MRC1: variants seen among roughly 807,000 people sequenced by gnomAD.
The protein encoded by MRC1 is mannose receptor C-type 1, also known as macrophage mannose receptor 1.
MRC1 carries 62 observed loss-of-function variants against 102.9 expected under a neutral mutation model. The ratio of observed to expected loss-of-function variants is 0.60; its 90% CI spans 0.49 to 0.74. The LOEUF (loss-of-function observed/expected upper bound fraction) is 0.74. MRC1 is among the 30% of genes least tolerant of loss of function. MRC1 has a pLI of 0.00. For missense variants in MRC1, 1,237 were observed against 862.8 expected (o/e 1.43, Z -5.43); for synonymous variants, 457 against 298.4 (o/e 1.53, Z -5.48).
chr10:17,901,215 T>G (rs1833824509), intron 25 of MRC1, among the ~76,000 whole-genome samples: 1 of 152,188 alleles, frequency 6.6e-6, no homozygotes, highest in Admixed American at 6.5e-5. Context: ...TCAGAATACA[T>G]GTAGATTCAT....
chr10:17,904,137 A>G (rs1833866562), intron 26 of MRC1, among the ~76,000 whole-genome samples: 1 of 152,204 alleles, frequency 6.6e-6, no homozygotes, highest in African/African-American at 2.4e-5. Flanking sequence ...TGTTTTACAC[A>G]GTTATCTTTC....
chr10:17,827,876 C>T (rs1377562223), intron 3 of MRC1, among the ~76,000 whole-genome samples, 161 bp downstream of exon 3: 2 of 152,084 alleles, frequency 1.3e-5, no homozygotes, highest in East Asian at 1.9e-4. Flanking sequence ...TTTCCATTTT[C>T]CAATGGAGAA....
chr10:17,885,237 G>A (rs1833575299), intron 21 of MRC1, 32 bp from the exon 22 acceptor site: 1 of 780,570 alleles, frequency 1.3e-6, no homozygotes, highest in Admixed American at 1.7e-5. Context: ...AACTCTCAAA[G>A]TTTAAAATTA....
chr10:17,830,530 T>C (rs2130606517), intron 3 of MRC1, among the ~76,000 whole-genome samples: 1 of 151,560 alleles, frequency 6.6e-6, no homozygotes, highest in Admixed American at 6.5e-5. Context: ...ATGCTCTCCA[T>C]TGTCCGTTGC....
At chr10:17,878,384 C>G (rs1833465940) in intron 18 of MRC1, among the ~76,000 whole-genome samples, 1 of 152,174 alleles carries the variant, frequency 6.6e-6, no homozygotes, top group Non-Finnish European at 1.5e-5. Context: ...GTTAGCAGCA[C>G]TATTTTGAAG....
chr10:17,894,640 C>T (rs1370608171), intron 23 of MRC1, among the ~76,000 whole-genome samples: 3 of 152,000 alleles, frequency 2.0e-5, no homozygotes, highest in African/African-American at 4.8e-5. Flanking sequence ...CTCAGGTGAT[C>T]TACCTGCCTC....
In MRC1 at chr10:17,833,857, C is replaced by T. The variant is rs782653456; in HGVS notation, c.802+18C>T. On this transcript the variant is annotated intron_variant, in intron 4 of 29. Coordinates refer to ENST00000569591, the MANE Select transcript of MRC1 (RefSeq NM_002438.4). Reference sequence around the variant, plus strand: ...CCTGACAGGTAAGGACATGAAAAGTCTCAAGTAAAATCATGACTGCTTTAT... The same window carrying T: ...CCTGACAGGTAAGGACATGAAAAGTTTCAAGTAAAATCATGACTGCTTTAT... 1.7e-5 allele frequency: 13 copies of T among 780,232 alleles called. No individual in the cohort carries two copies. The highest frequency in any genetic ancestry group is 1.0e-4 in the Admixed American group (6 of 58,882). 48.3% of individuals were successfully genotyped at this position (780,232 alleles called of 1,614,324 possible). A position where few individuals can be genotyped will look rare whatever the true frequency, so the allele number is the denominator to read the frequency against.
intron 6 of MRC1, among the ~76,000 whole-genome samples, chr10:17,846,590 T>A (rs1483726616): frequency 6.6e-6 from 1 of 152,238 alleles, no homozygotes; most frequent in Non-Finnish European, 1.5e-5. Context: ...TCCTGGAGAA[T>A]AATTGTTTCT....
At position 17,909,359 on chromosome 10, in the gene MRC1, G is replaced by T; in HGVS notation, c.4120+12G>T. ...ACTTACAACAAAAGGTAAGGCCATT[G>T]CAAAATTTCAAGTTCTGTGTTAGTA... On this transcript the variant is annotated intron_variant, in intron 29 of 29. Coordinates refer to ENST00000569591, the MANE Select transcript of MRC1 (RefSeq NM_002438.4). 6 of 870,678 alleles carry T rather than the reference G, an allele frequency of 6.9e-6. No homozygotes were observed. Among genetic ancestry groups the T allele is most frequent in the Non-Finnish European group, 1.2e-5 (6 of 500,180 alleles). 53.9% of individuals were successfully genotyped at this position (870,678 alleles called of 1,614,324 possible). A position where few individuals can be genotyped will look rare whatever the true frequency, so the allele number is the denominator to read the frequency against.
intron 6 of MRC1, among the ~76,000 whole-genome samples, chr10:17,846,465 T>C (rs1485747767): frequency 6.6e-6 from 1 of 152,200 alleles, no homozygotes; most frequent in Non-Finnish European, 1.5e-5. Context: ...CCATTGGCTT[T>C]GAAAGCAATT....
intron 9 of MRC1, among the ~76,000 whole-genome samples, chr10:17,859,009 C>T (rs1354629922): frequency 1.3e-5 from 2 of 152,172 alleles, no homozygotes; most frequent in Admixed American, 1.3e-4. Flanking sequence ...TCTTCCTATG[C>T]TATCTTTTCT....
chr10:17,839,380 G>A (rs1838716637), intron 4 of MRC1, among the ~76,000 whole-genome samples: 1 of 152,088 alleles, frequency 6.6e-6, no homozygotes, highest in Non-Finnish European at 1.5e-5. Context: ...TGAGTAAATT[G>A]GTTTTGGGAA....
At chr10:17,888,738 C>G (rs1371816085) in intron 22 of MRC1, among the ~76,000 whole-genome samples, 2 of 152,048 alleles carry the variant, frequency 1.3e-5, no homozygotes, top group African/African-American at 4.8e-5. Context: ...GTATATTCTA[C>G]TATTATTGGA....
chr10:17,874,967 T>G, intron 16 of MRC1, 123 bp from the exon 17 acceptor site: 2 of 744,576 alleles, frequency 2.7e-6, no homozygotes, highest in Non-Finnish European at 5.0e-6. Context: ...TGTTCTGGTC[T>G]CTCAGAGTTG....
chr10:17,899,514 A>G lies in MRC1; in HGVS notation c.3483+1248A>G, dbSNP rs1044950664. On this transcript the variant is annotated intron_variant, in intron 24 of 29. Coordinates refer to ENST00000569591, the MANE Select transcript of MRC1 (RefSeq NM_002438.4). ...TTATACAAGCATTATTTGATTAAAT[A>G]TGGTATAATACTACAAAATTCTAAT... Among the ~76,000 whole-genome samples the G allele has an allele frequency of 7.4e-3, 1,122 of 152,304 alleles. 14 individuals carry two copies. Among genetic ancestry groups the G allele is most frequent in the African/African-American group, 0.025 (1,025 of 41,550 alleles).
chr10:17,812,662 C>T (rs1199073951), intron 1 of MRC1, among the ~76,000 whole-genome samples: 2 of 148,320 alleles, frequency 1.3e-5, no homozygotes, highest in East Asian at 4.0e-4. Context: ...ACCTCTGCCT[C>T]GTGGGTTCAA....
At chr10:17,858,457 G>C (rs1202309119) in intron 9 of MRC1, among the ~76,000 whole-genome samples, 1 of 151,994 alleles carries the variant, frequency 6.6e-6, no homozygotes, top group Non-Finnish European at 1.5e-5. Context: ...CCTAGATCTG[G>C]AATTATTTTA....
At position 17,901,994 on chromosome 10, in the gene MRC1, C is replaced by T; in HGVS notation, c.3671C>T (p.Pro1224Leu). 1.3e-6 allele frequency: 1 copy of T among 780,784 alleles called. No homozygotes were observed. Among genetic ancestry groups the T allele is most frequent in the Non-Finnish European group, 2.4e-6 (1 of 417,940 alleles). The allele number at this position is 780,784 out of a possible 1,614,324, so 48.4% of individuals were successfully genotyped here. A position where few individuals can be genotyped will look rare whatever the true frequency, so the allele number is the denominator to read the frequency against. The change falls in exon 26 of 30, where the codon CCA (proline) becomes CTA (leucine). Residue 1224 changes from proline to leucine, a missense_variant. By Grantham distance (98) the Pro-to-Leu change is moderately conservative (BLOSUM62 -3). Transcript: ENST00000569591. ...ACAGAAATCCCTGCTACTGAACCCCCACAACTGCCTGGCAGATGCCCGGAG... is the reference window on the plus strand; with the variant it reads ...ACAGAAATCCCTGCTACTGAACCCCTACAACTGCCTGGCAGATGCCCGGAG... ...RSDEIPATEP[P>L]QLPGRCPESD...
rs2130653052 is a variant in MRC1 at position 17,856,372 on chromosome 10, A to G, written c.1518+20A>G. 8.4e-6 allele frequency: 7 copies of G among 832,564 alleles called. No homozygotes were observed. The East Asian group carries it at 1.5e-4, about 18-fold the overall frequency. 51.6% of individuals were successfully genotyped at this position (832,564 alleles called of 1,614,324 possible). On this transcript the variant is annotated intron_variant, in intron 9 of 29. Coordinates refer to ENST00000569591, the MANE Select transcript of MRC1 (RefSeq NM_002438.4). ...AGGAAAGTGAGTGCACCATGCCCAC[A>G]GTGACTTAAGCTGAGCACGTATGAG... is the stretch of plus-strand genomic sequence containing the variant.
Sources: allele counts gnomAD v4.1 joint callset (sites outside exome capture counted in the v4.1 genomes callset), GRCh38; gene constraint gnomAD v4.1.1; transcripts MANE v1.5; gene names NCBI Gene and HGNC (gene_info 2026-07-23, HGNC 2026-07-21).